Variants in TMEM44 observed in about 807,000 individuals in gnomAD.
TMEM44 encodes transmembrane protein 44.
In TMEM44, 43 loss-of-function variants were observed where a neutral mutation model predicts 47.8. The ratio of observed to expected loss-of-function variants is 0.90; its 90% CI spans 0.70 to 1.16. The LOEUF is 1.16. Among genes scored for constraint, TMEM44 ranks in the 50% most tolerant of loss-of-function variants. TMEM44 has a pLI of 0.00. For missense variants in TMEM44, 568 were observed against 555.2 expected, an observed-to-expected ratio of 1.02 and a Z score of -0.23; for synonymous variants, 277 against 238.8, an observed-to-expected ratio of 1.16 and a Z score of -1.48.
chr3:194,629,612 G>A (rs1184103198), intron 1 of TMEM44, among the ~76,000 whole-genome samples: 4 of 151,802 alleles, frequency 2.6e-5, no homozygotes, highest in South Asian at 2.1e-4. Flanking sequence ...TTCTATCGGC[G>A]TCCCTGATAG....
At chr3:194,618,680 C>T (rs564628356) in intron 5 of TMEM44, among the ~76,000 whole-genome samples, 51 of 151,600 alleles carry the variant, frequency 3.4e-4, no homozygotes, top group Non-Finnish European at 6.6e-4. Flanking sequence ...ATGTTCATTT[C>T]ATGACCATAT....
intron 9 of TMEM44, among the ~76,000 whole-genome samples, chr3:194,593,374 TAGG>T (rs773104229): frequency 1.3e-5 from 2 of 152,126 alleles, no homozygotes; most frequent in African/African-American, 2.4e-5. Context: ...TTATTATTAT[TAGG>T]AGGAGTAGCA....
At chr3:194,599,574 T>C (rs1179011091) in intron 9 of TMEM44, among the ~76,000 whole-genome samples, 1 of 119,770 alleles carries the variant, frequency 8.3e-6, no homozygotes. Flanking sequence ...CTTTTCATTT[T>C]CTTTTTCTTT....
At chr3:194,606,043 A>T (rs568006440) in intron 8 of TMEM44, among the ~76,000 whole-genome samples, 1 of 152,292 alleles carries the variant, frequency 6.6e-6, no homozygotes, top group Non-Finnish European at 1.5e-5. Context: ...CTGAAACAGA[A>T]GGCTCTGGAT....
At chr3:194,631,546 C>T (rs1403123190) in intron 1 of TMEM44, among the ~76,000 whole-genome samples, 3 of 152,154 alleles carry the variant, frequency 2.0e-5, no homozygotes, top group Admixed American at 6.5e-5. Context: ...CAATTGAAGA[C>T]CAAGGAGTGG....
intron 7 of TMEM44, among the ~76,000 whole-genome samples, chr3:194,614,327 G>T (rs1715656379): frequency 6.6e-6 from 1 of 152,160 alleles, no homozygotes; most frequent in Non-Finnish European, 1.5e-5. Context: ...CGTGTTAGGT[G>T]GTGGTAATGA....
chr3:194,603,284 G>A (rs1714360106), intron 9 of TMEM44, among the ~76,000 whole-genome samples: 1 of 152,264 alleles, frequency 6.6e-6, no homozygotes, highest in African/African-American at 2.4e-5. Context: ...ACAGGTGTCA[G>A]CCGTGGTGCC....
At position 194,623,652 on chromosome 3, in the gene TMEM44, G is replaced by A; in HGVS notation, c.402C>T (p.Ala134=). Residue 134 remains alanine (A), a synonymous_variant, in exon 4 of 10, where the codon GCC becomes GCT. Transcript: ENST00000347147. ...RERKRRRQLR[A]SVFALALPLS... ...GCGGCAGGGCCAGGGCAAACACACT[G>A]GCCCTGAGCTGCCGCCTCCTCTTCC... 2 of 1,613,174 alleles carry A rather than the reference G, an allele frequency of 1.2e-6. No homozygotes were observed. The highest frequency in any genetic ancestry group is 1.7e-6 in the Non-Finnish European group (2 of 1,179,918).
chr3:194,619,183 G>A (rs545078175), intron 5 of TMEM44, among the ~76,000 whole-genome samples: 4 of 152,314 alleles, frequency 2.6e-5, no homozygotes, highest in South Asian at 4.1e-4. Flanking sequence ...CTCTGTCCTC[G>A]CTCACATGCT....
chr3:194,628,070 T>C (rs555686471), intron 2 of TMEM44, among the ~76,000 whole-genome samples: 1 of 152,322 alleles, frequency 6.6e-6, no homozygotes, highest in Non-Finnish European at 1.5e-5. Context: ...GTGTTCTGGA[T>C]TCCCTTATTC....
chr3:194,590,638 G>A (rs1020559877), intron 9 of TMEM44, among the ~76,000 whole-genome samples: 2 of 152,130 alleles, frequency 1.3e-5, no homozygotes, highest in South Asian at 2.1e-4. Flanking sequence ...TTCTCACAGC[G>A]TGTGCTTGAC....
At chr3:194,602,680 C>A (rs1429195220) in intron 9 of TMEM44, among the ~76,000 whole-genome samples, 1 of 151,556 alleles carries the variant, frequency 6.6e-6, no homozygotes, top group Non-Finnish European at 1.5e-5. Flanking sequence ...GGGTCAGATT[C>A]TGACCTGTGG....
At chr3:194,603,791 A>G (rs1714433329) in intron 9 of TMEM44, among the ~76,000 whole-genome samples, 1 of 152,162 alleles carries the variant, frequency 6.6e-6, no homozygotes, top group Non-Finnish European at 1.5e-5. Flanking sequence ...CCTGCGACTA[A>G]TGTGACCGTG....
At chr3:194,606,698 G>A (rs1295148869) in intron 8 of TMEM44, among the ~76,000 whole-genome samples, 4 of 152,126 alleles carry the variant, frequency 2.6e-5, no homozygotes, top group Non-Finnish European at 5.9e-5. Context: ...CCAGCACTTT[G>A]GGAGGCCGAG....
At chr3:194,594,771 A>G (rs1713196760) in intron 9 of TMEM44, among the ~76,000 whole-genome samples, 2 of 152,252 alleles carry the variant, frequency 1.3e-5, no homozygotes, top group Admixed American at 6.5e-5. Context: ...AAGCAAACAA[A>G]CAAGCAAATA....
At chr3:194,610,723 G>A (rs1176475755) in intron 8 of TMEM44, among the ~76,000 whole-genome samples, 193 bp downstream of exon 8, 1 of 152,074 alleles carries the variant, frequency 6.6e-6, no homozygotes, top group East Asian at 1.9e-4. Flanking sequence ...GAGGGGACAG[G>A]GAAAATATTT....
chr3:194,621,093 A>G (rs1716489357), intron 5 of TMEM44, among the ~76,000 whole-genome samples: 1 of 152,044 alleles, frequency 6.6e-6, no homozygotes. Flanking sequence ...TTATTTGGAA[A>G]TAGGGTCTTT....
At chr3:194,620,183 C>A (rs1003707860) in intron 5 of TMEM44, among the ~76,000 whole-genome samples, 1 of 149,454 alleles carries the variant, frequency 6.7e-6, no homozygotes, top group Non-Finnish European at 1.5e-5. Flanking sequence ...CCCAGCTACT[C>A]GGGAGGCTGA....
intron 3 of TMEM44, among the ~76,000 whole-genome samples, chr3:194,625,687 G>A (rs1156954398): frequency 1.3e-5 from 2 of 152,116 alleles, no homozygotes; most frequent in South Asian, 2.1e-4. Context: ...TCACCATGTT[G>A]GCCAGGATGG....
Sources: gnomAD v4.1 joint callset for allele counts (sites outside exome capture counted in the v4.1 genomes callset) on GRCh38, gnomAD v4.1.1 for gene constraint, MANE v1.5 for transcripts, NCBI Gene and HGNC (gene_info 2026-07-23, HGNC 2026-07-21) for gene names.